The following KCNIP1 variants were observed in gnomAD, a reference collection of about 807,000 sequenced individuals.
KCNIP1 encodes potassium voltage-gated channel interacting protein 1.
A neutral mutation model predicts 33.0 loss-of-function variants in KCNIP1; 18 were observed. That is an observed-to-expected ratio of 0.55 (90% CI 0.38 to 0.81). The LOEUF is 0.81. Ranked by LOEUF, KCNIP1 falls within the 30% of genes least tolerant of loss-of-function variation. The probability of loss-of-function intolerance (pLI) is 0.00; values close to 1 mark genes in which losing one functional copy is unlikely to be tolerated. For synonymous variants in KCNIP1, 93 were observed against 98.3 expected (o/e 0.95, Z 0.32); for missense variants, 238 against 271.6 (o/e 0.88, Z 0.87).
chr5:170,564,409 C>T (rs563536355), intron 1 of KCNIP1, among the ~76,000 whole-genome samples: 1 of 152,270 alleles, frequency 6.6e-6, no homozygotes, highest in South Asian at 2.1e-4. Context: ...TCCTATGACA[C>T]GTCTTTTGGT....
At chr5:170,684,151 T>C (rs1315416340) in intron 1 of KCNIP1, among the ~76,000 whole-genome samples, 2 of 152,182 alleles carry the variant, frequency 1.3e-5, no homozygotes, top group Non-Finnish European at 2.9e-5. Flanking sequence ...TTATCAGTTG[T>C]GTGAGGTGGG....
At chr5:170,636,829 C>A (rs1376581281) in intron 1 of KCNIP1, among the ~76,000 whole-genome samples, 1 of 152,036 alleles carries the variant, frequency 6.6e-6, no homozygotes, top group East Asian at 1.9e-4. Context: ...TACTGACCAC[C>A]CAATAAAGGC....
intron 1 of KCNIP1, chr5:170,561,153 T>C (rs1170259704): frequency 4.4e-6 from 2 of 455,390 alleles, no homozygotes; most frequent in Non-Finnish European, 8.8e-6. Flanking sequence ...GTGTTTATGC[T>C]CCTTCGAGGG....
intron 1 of KCNIP1, among the ~76,000 whole-genome samples, chr5:170,644,288 T>C (rs559889316): frequency 6.6e-6 from 1 of 152,330 alleles, no homozygotes; most frequent in African/African-American, 2.4e-5. Context: ...CCTGCCCTCA[T>C]AGAGTGGCCT....
At chr5:170,383,772 C>T (rs1764352036) in intron 1 of KCNIP1, 1 of 1,614,116 alleles carries the variant, frequency 6.2e-7, no homozygotes, top group South Asian at 1.1e-5. Flanking sequence ...GGTACTGGGG[C>T]ACCTTCTTGC....
At chr5:170,392,561 G>C (rs1260182689) in intron 1 of KCNIP1, among the ~76,000 whole-genome samples, 1 of 152,202 alleles carries the variant, frequency 6.6e-6, no homozygotes, top group Admixed American at 6.5e-5. Flanking sequence ...GGTGGCTCAT[G>C]CCTGTAATCC....
At chr5:170,674,353 C>A (rs1036568429) in intron 1 of KCNIP1, among the ~76,000 whole-genome samples, 2 of 152,168 alleles carry the variant, frequency 1.3e-5, no homozygotes, top group Non-Finnish European at 2.9e-5. Flanking sequence ...ATCTAAATAT[C>A]ATTACTCACT....
At chr5:170,580,838 A>G (rs967721336) in intron 1 of KCNIP1, among the ~76,000 whole-genome samples, 3 of 144,718 alleles carry the variant, frequency 2.1e-5, no homozygotes, top group African/African-American at 7.3e-5. Flanking sequence ...TAATGCCAGC[A>G]TATAAGGAAA....
chr5:170,450,711 G>A lies in KCNIP1; in HGVS notation c.88+96747G>A, dbSNP rs1287799312. ...ACCTCCGCCCCGATCCCCAGAAACA[G>A]TTTCCCCCTTCTCTTTCTCTGGCCA... On this transcript the variant is annotated intron_variant, in intron 1 of 7. Coordinates refer to the KCNIP1 transcript ENST00000377360. Among the ~76,000 whole-genome samples the A allele has an allele frequency of 2.0e-5, 3 of 152,268 alleles. No homozygotes were observed. The East Asian group carries it at 5.8e-4, about 29-fold the overall frequency.
Position 170,649,183 on chromosome 5 carries a change from AT to A in KCNIP1, c.62-69569del, listed in dbSNP as rs1239425759. Among the ~76,000 whole-genome samples, 5 of 152,148 alleles carry A rather than the reference AT, an allele frequency of 3.3e-5. No individual in the cohort carries two copies. The South Asian group carries it at 1.0e-3, about 32-fold the overall frequency. ...ACCCTAAAAAATTATTGTTGAACGC[AT>A]TTTTTAAGAGATAAATGCAAAAACA... On this transcript the variant is annotated intron_variant, in intron 1 of 7. Transcript: ENST00000328939.
At chr5:170,576,183 A>C in intron 1 of KCNIP1, among the ~76,000 whole-genome samples, 1 of 152,192 alleles carries the variant, frequency 6.6e-6, no homozygotes, top group Non-Finnish European at 1.5e-5. Flanking sequence ...ATCAGTTGAA[A>C]GCTATAAGCA....
At chr5:170,624,739 G>GGGGA (rs1464507183) in intron 1 of KCNIP1, among the ~76,000 whole-genome samples, 3 of 104,360 alleles carry the variant, frequency 2.9e-5, no homozygotes, top group Non-Finnish European at 6.0e-5. Context: ...AGGTGGGGGG[G>GGGGA]GAGAGGGGAG....
chr5:170,518,968 G>A (rs1755255360), intron 1 of KCNIP1, among the ~76,000 whole-genome samples: 1 of 152,178 alleles, frequency 6.6e-6, no homozygotes, highest in African/African-American at 2.4e-5. Flanking sequence ...AGGGATTACA[G>A]AAGTGATTTC....
At chr5:170,735,604 A>G (rs551920577) in intron 7 of KCNIP1, among the ~76,000 whole-genome samples, 155 bp from the exon 8 acceptor site, 3 of 152,262 alleles carry the variant, frequency 2.0e-5, no homozygotes, top group African/African-American at 7.2e-5. Context: ...TGAACTGATC[A>G]CTTTCTAGGT....
intron 1 of KCNIP1, among the ~76,000 whole-genome samples, chr5:170,473,635 G>A (rs535039132): frequency 1.2e-4 from 18 of 152,258 alleles, no homozygotes; most frequent in African/African-American, 4.1e-4. Flanking sequence ...CATGGGGGCC[G>A]TCAGTGACAC....
intron 1 of KCNIP1, chr5:170,483,037 T>C: frequency 2.2e-6 from 1 of 451,556 alleles, no homozygotes; most frequent in South Asian, 1.6e-5. Context: ...ACAGCCTTTC[T>C]TCCCTTTTGT....
In KCNIP1 at chr5:170,722,724, C is replaced by T. The variant is rs140365283; in HGVS notation, c.339C>T (p.Thr113=). 523 of 1,612,142 alleles carry T rather than the reference C, an allele frequency of 3.2e-4. No individual in the cohort carries two copies. The highest frequency in any genetic ancestry group is 4.2e-4 in the Non-Finnish European group (495 of 1,178,432). Reference sequence around the variant, plus strand: ...TTTCCCCTTCTCAGGACTTTGTAACCGCTCTGTCGATTTTATTGAGAGGAA... The same window carrying T: ...TTTCCCCTTCTCAGGACTTTGTAACTGCTCTGTCGATTTTATTGAGAGGAA... ...TGSVKFEDFV[T]ALSILLRGTV... Residue 113 remains threonine, a synonymous_variant, in exon 5 of 8, where the codon ACC becomes ACT. Transcript: ENST00000328939.
chr5:170,504,663 G>C lies in KCNIP1; in HGVS notation c.61+30G>C, dbSNP rs764903331. The C allele has an allele frequency of 1.9e-6, 3 of 1,593,470 alleles. No homozygotes were observed. The highest frequency in any genetic ancestry group is 1.7e-6 in the Non-Finnish European group (2 of 1,161,562). On this transcript the variant is annotated intron_variant, in intron 1 of 7. Transcript: ENST00000328939. The surrounding 1 kb of genome is among the most constrained non-coding windows in gnomAD (Gnocchi z 6.0). Reference sequence around the variant, plus strand: ...GCCACCTTCTTCCTTTTGTTCCCCTGTCTGGGCTTGGGGGTGCTAGGCGCC... The same window carrying C: ...GCCACCTTCTTCCTTTTGTTCCCCTCTCTGGGCTTGGGGGTGCTAGGCGCC...
chr5:170,531,205 G>A (rs769835948), intron 1 of KCNIP1, among the ~76,000 whole-genome samples: 26 of 152,138 alleles, frequency 1.7e-4, no homozygotes, highest in Non-Finnish European at 2.1e-4. Context: ...GGGGATCAAC[G>A]AGGGGAATTA....
Sources: gnomAD v4.1 joint callset for allele counts (sites outside exome capture counted in the v4.1 genomes callset) on GRCh38, gnomAD v4.1.1 for gene constraint, Gnocchi (gnomAD v3.1) non-coding constraint, MANE v1.5 for transcripts, NCBI Gene and HGNC (gene_info 2026-07-23, HGNC 2026-07-21) for gene names.